The following ZNF84 variants were observed in gnomAD, a reference collection of about 807,000 sequenced individuals.
ZNF84 encodes zinc finger protein HPF2.
In ZNF84, 12 loss-of-function variants were observed where a neutral mutation model predicts 14.8. The ratio of observed to expected loss-of-function variants is 0.81; its 90% confidence interval spans 0.52 to 1.31. The LOEUF (loss-of-function observed/expected upper bound fraction) is 1.31, where lower values mean the gene tolerates loss of function less well. Among genes scored for constraint, ZNF84 ranks in the 50% most tolerant of loss-of-function variants. The pLI, the probability that ZNF84 is intolerant of heterozygous loss-of-function variation, is 0.00. For synonymous variants in ZNF84, 347 were observed against 291.1 expected, an observed-to-expected ratio of 1.19 and a Z score of -1.96; for missense variants, 859 against 878.6, an observed-to-expected ratio of 0.98 and a Z score of 0.28.
In ZNF84 at chr12:133,062,723, T is replaced by TA. The variant is rs1238259520; in HGVS notation, c.*3794dup. 4.6e-6 allele frequency: 1 copy of TA among 217,280 alleles called. No individual in the cohort carries two copies. Among genetic ancestry groups the TA allele is most frequent in the South Asian group, 9.8e-5 (1 of 10,220 alleles). The allele number at this position is 217,280 out of a possible 1,614,324, so 13.5% of individuals were successfully genotyped here. A position where few individuals can be genotyped will look rare whatever the true frequency, so the allele number is the denominator to read the frequency against. On this transcript the variant is annotated 3_prime_UTR_variant, in exon 5 of 5. Coordinates refer to ENST00000539354, the MANE Select transcript of ZNF84 (RefSeq NM_001289971.2). ...AATATCGTGTGGCTTATTGTGGACT[T>TA]AAAGTGTAACATTCTCCTTATGGTA...
At chr12:133,044,870 C>T (rs376730921) in intron 2 of ZNF84, among the ~76,000 whole-genome samples, 4,547 of 150,912 alleles carry the variant, frequency 0.03, 244 homozygotes, top group African/African-American at 0.11. Flanking sequence ...GCCGAGATTG[C>T]GCCACTGCAC....
At chr12:133,046,846 T>C (rs1953986628) in intron 2 of ZNF84, among the ~76,000 whole-genome samples, 1 of 143,876 alleles carries the variant, frequency 7.0e-6, no homozygotes, top group Admixed American at 7.2e-5. Context: ...ATATATTTTA[T>C]ATTATATATA....
chr12:133,060,719 T>C lies in ZNF84; in HGVS notation c.*1787T>C, dbSNP rs1251571065. On this transcript the variant is annotated 3_prime_UTR_variant, in exon 5 of 5. Transcript: ENST00000539354. ...TTCCATTTTATCATTTGAAATGTATTTGACTTTGTTTCACTAGTTGCATTA... is the reference window on the plus strand; with the variant it reads ...TTCCATTTTATCATTTGAAATGTATCTGACTTTGTTTCACTAGTTGCATTA... The C allele has an allele frequency of 1.3e-5, 2 of 152,232 alleles. No individual in the cohort carries two copies. The highest frequency in any genetic ancestry group is 4.8e-5 in the African/African-American group (2 of 41,470). 9.4% of individuals were successfully genotyped at this position (152,232 alleles called of 1,614,324 possible).
At chr12:133,051,553 AC>A (rs1205435389) in intron 4 of ZNF84, among the ~76,000 whole-genome samples, 3 of 152,292 alleles carry the variant, frequency 2.0e-5, no homozygotes, top group African/African-American at 7.2e-5. Flanking sequence ...GTCTCGAAGA[AC>A]CCATGTGCAG....
Position 133,047,988 on chromosome 12 carries a change from T to C in ZNF84, c.49T>C (p.Phe17Leu). The change falls in exon 3 of 5, where the codon TTC (phenylalanine) becomes CTC (leucine). Residue 17 changes from phenylalanine (F) to leucine (L), a missense_variant. By Grantham distance (22) the Phe-to-Leu change is conservative (BLOSUM62 0). Coordinates refer to ENST00000539354, the MANE Select transcript of ZNF84 (RefSeq NM_001289971.2). ...SFSFDDLSVD[F>L]TQKEWQLLDP... ...CTCATTTGACGATTTATCTGTGGAC[T>C]TCACCCAAAAGGAGTGGCAGCTACT... The C allele has an allele frequency of 6.2e-7, 1 of 1,614,136 alleles. No homozygotes were observed. Among genetic ancestry groups the C allele is most frequent in the Non-Finnish European group, 8.5e-7 (1 of 1,179,982 alleles).
chr12:133,038,558 CAAAA>C (rs67023898), intron 1 of ZNF84, among the ~76,000 whole-genome samples: 2 of 142,260 alleles, frequency 1.4e-5, no homozygotes, highest in Non-Finnish European at 3.1e-5. Flanking sequence ...AAGACCCTGT[CAAAA>C]AAAAAAAAAA....
chr12:133,052,526 A>C (rs1566283627), intron 4 of ZNF84, among the ~76,000 whole-genome samples: 1 of 152,112 alleles, frequency 6.6e-6, no homozygotes, highest in Non-Finnish European at 1.5e-5. Flanking sequence ...GTACAGGCAC[A>C]GTTTCACTGT....
At chr12:133,040,194 T>C (rs1178915358) in intron 1 of ZNF84, among the ~76,000 whole-genome samples, 2 of 151,954 alleles carry the variant, frequency 1.3e-5, no homozygotes, top group Non-Finnish European at 2.9e-5. Context: ...CTGAGCTGCT[T>C]ATAAGGGACA....
chr12:133,044,698 G>T (rs1000737825), intron 2 of ZNF84, among the ~76,000 whole-genome samples: 6 of 151,448 alleles, frequency 4.0e-5, no homozygotes, highest in Non-Finnish European at 8.9e-5. Context: ...GGTAGATCAC[G>T]AGGTTAAGAG....
chr12:133,050,687 A>C (rs1954054877), intron 4 of ZNF84: 1 of 396,328 alleles, frequency 2.5e-6, no homozygotes, highest in Admixed American at 4.4e-5. Context: ...AATCCTTTCC[A>C]TAGGAACTTG....
At position 133,057,501 on chromosome 12, in the gene ZNF84, T is replaced by C; in HGVS notation, c.786T>C (p.Pro262=). Residue 262 remains proline (P), a synonymous_variant, in exon 5 of 5, where the codon CCT becomes CCC. Coordinates refer to ENST00000539354, the MANE Select transcript of ZNF84 (RefSeq NM_001289971.2). ...ACAGAACTCATACAGGAGAAAAACC[T>C]TATAATTGTAGCCAGTGTGGGAAAG... ...THHRTHTGEK[P]YNCSQCGKAF... The C allele has an allele frequency of 6.2e-7, 1 of 1,614,008 alleles. No individual in the cohort carries two copies. Among genetic ancestry groups the C allele is most frequent in the East Asian group, 2.2e-5 (1 of 44,856 alleles).
chr12:133,055,976 C>G (rs1954149077), intron 4 of ZNF84, among the ~76,000 whole-genome samples: 1 of 152,136 alleles, frequency 6.6e-6, no homozygotes, highest in Admixed American at 6.5e-5. Context: ...TGGTGCATGC[C>G]TGTTGTCCCA....
Position 133,059,112 on chromosome 12 carries a change from G to T in ZNF84, c.*180G>T. ...CATAGAGTAGAGTGAACCTATGACT[G>T]CAGTGGATCTCAAAAACTTTTAAAA... On this transcript the variant is annotated 3_prime_UTR_variant, in exon 5 of 5. Transcript: ENST00000539354. 1.7e-6 allele frequency: 1 copy of T among 595,754 alleles called. No homozygotes were observed. Among genetic ancestry groups the T allele is most frequent in the Non-Finnish European group, 2.8e-6 (1 of 358,152 alleles). The allele number at this position is 595,754 out of a possible 1,614,324, so 36.9% of individuals were successfully genotyped here.
At position 133,058,683 on chromosome 12, in the gene ZNF84, A is replaced by G. The variant is rs1954205377; in HGVS notation, c.1968A>G (p.Glu656=). 15 of 1,614,016 alleles carry G rather than the reference A, an allele frequency of 9.3e-6. No individual in the cohort carries two copies. Among genetic ancestry groups the G allele is most frequent in the Admixed American group, 1.7e-5 (1 of 60,004 alleles). The change falls in exon 5 of 5, where the codon GAA becomes GAG. Residue 656 remains glutamate (E), a synonymous_variant. Transcript: ENST00000539354. Reference sequence around the variant, plus strand: ...TACATACAGGAGAGAAGCCTTTTGAATGCAGTGAGTGTGGCAAAGCTTTCT... The same window carrying G: ...TACATACAGGAGAGAAGCCTTTTGAGTGCAGTGAGTGTGGCAAAGCTTTCT... ...QRIHTGEKPF[E]CSECGKAFSR... is the part of the protein sequence containing the mutation.
chr12:133,038,493 C>G (rs1953828586), intron 1 of ZNF84, among the ~76,000 whole-genome samples: 1 of 151,196 alleles, frequency 6.6e-6, no homozygotes, highest in Admixed American at 6.6e-5. Context: ...CCCAGGAGTT[C>G]AGGGCTGCAG....
chr12:133,048,662 G>A, intron 3 of ZNF84, 91 bp from the exon 4 acceptor site: 1 of 914,732 alleles, frequency 1.1e-6, no homozygotes, highest in Middle Eastern at 2.2e-4. Context: ...AGCTTCACCA[G>A]GCCAACTTTG....
At position 133,059,637 on chromosome 12, in the gene ZNF84, A is replaced by G. The variant is rs1268844833; in HGVS notation, c.*705A>G. ...TAGTGGTATTTGTGGCTTATCTTCT[A>G]GTGTCACGTATGTTTTGTGTTTTGG... On this transcript the variant is annotated 3_prime_UTR_variant, in exon 5 of 5. Transcript: ENST00000539354. The G allele has an allele frequency of 1.3e-5, 2 of 152,202 alleles. No individual in the cohort carries two copies. The highest frequency in any genetic ancestry group is 1.5e-5 in the Non-Finnish European group (1 of 68,030). The allele number at this position is 152,202 out of a possible 1,614,324, so 9.4% of individuals were successfully genotyped here.
At chr12:133,051,555 C>A (rs1287696585) in intron 4 of ZNF84, among the ~76,000 whole-genome samples, 2 of 152,080 alleles carry the variant, frequency 1.3e-5, no homozygotes, top group Non-Finnish European at 2.9e-5. Context: ...CTCGAAGAAC[C>A]CATGTGCAGG....
Position 133,062,824 on chromosome 12 carries a change from C to G in ZNF84, c.*3892C>G. The G allele has an allele frequency of 4.5e-6, 2 of 447,420 alleles. No homozygotes were observed. Among genetic ancestry groups the G allele is most frequent in the Non-Finnish European group, 4.0e-6 (1 of 250,480 alleles). The allele number at this position is 447,420 out of a possible 1,614,324, so 27.7% of individuals were successfully genotyped here. A position where few individuals can be genotyped will look rare whatever the true frequency, so the allele number is the denominator to read the frequency against. On this transcript the variant is annotated 3_prime_UTR_variant, in exon 5 of 5. Coordinates refer to ENST00000539354, the MANE Select transcript of ZNF84 (RefSeq NM_001289971.2). Reference sequence around the variant, plus strand: ...ACTTTTTCCTCCTATGCAATATTTTCTGGCCTCTGTGAACAACTTGTAGTT... The same window carrying G: ...ACTTTTTCCTCCTATGCAATATTTTGTGGCCTCTGTGAACAACTTGTAGTT...
Sources: allele counts gnomAD v4.1 joint callset (sites outside exome capture counted in the v4.1 genomes callset), GRCh38; gene constraint gnomAD v4.1.1; transcripts MANE v1.5; gene names NCBI Gene and HGNC (gene_info 2026-07-23, HGNC 2026-07-21).